Variants in GALNTL6 observed in about 807,000 individuals in gnomAD.
The protein encoded by GALNTL6 is polypeptide N-acetylgalactosaminyltransferase like 6.
In GALNTL6, 46 loss-of-function variants were observed where a neutral mutation model predicts 73.7. The ratio of observed to expected loss-of-function variants is 0.62; its 90% CI spans 0.49 to 0.80. GALNTL6 has a LOEUF of 0.80. GALNTL6 is among the 30% of genes least tolerant of loss of function. The pLI, the probability that GALNTL6 is intolerant of heterozygous loss-of-function variation, is 0.00. For synonymous variants in GALNTL6, 259 were observed against 263.7 expected, an observed-to-expected ratio of 0.98 and a Z score of 0.17; for missense variants, 604 against 755.0, an observed-to-expected ratio of 0.80 and a Z score of 2.34.
chr4:172,013,865 C>T (rs1197432164), intron 2 of GALNTL6, among the ~76,000 whole-genome samples: 1 of 129,758 alleles, frequency 7.7e-6, no homozygotes, highest in South Asian at 2.9e-4. Flanking sequence ...AGCTCCTGAG[C>T]CCCCCACTAC....
intron 2 of GALNTL6, among the ~76,000 whole-genome samples, chr4:172,093,077 T>G (rs1051204981): frequency 6.6e-6 from 1 of 151,988 alleles, no homozygotes; most frequent in African/African-American, 2.4e-5. Flanking sequence ...TTTCACCATG[T>G]TGGACAGGAT....
At chr4:171,988,492 G>C (rs1252573321) in intron 2 of GALNTL6, among the ~76,000 whole-genome samples, 3 of 152,164 alleles carry the variant, frequency 2.0e-5, no homozygotes, top group East Asian at 3.9e-4. Context: ...GGGTGCAAAG[G>C]AATAGTAAAG....
intron 2 of GALNTL6, among the ~76,000 whole-genome samples, chr4:172,004,363 A>G (rs997634970): frequency 2.6e-5 from 4 of 152,148 alleles, no homozygotes; most frequent in African/African-American, 9.6e-5. Context: ...CCAGTAAACA[A>G]CATCAAAATG....
chr4:172,618,907 A>T (rs558839245), intron 5 of GALNTL6, among the ~76,000 whole-genome samples: 2 of 152,032 alleles, frequency 1.3e-5, no homozygotes, highest in East Asian at 3.9e-4. Context: ...TATTTTTAAT[A>T]AAGACGGGGT....
chr4:172,989,328 C>T (rs1356698960), intron 10 of GALNTL6, among the ~76,000 whole-genome samples: 1 of 152,146 alleles, frequency 6.6e-6, no homozygotes. Flanking sequence ...GCAGAAGGGA[C>T]TTTCCTCATC....
At chr4:172,297,790 C>A (rs937923236) in intron 3 of GALNTL6, among the ~76,000 whole-genome samples, 8 of 152,116 alleles carry the variant, frequency 5.3e-5, no homozygotes, top group African/African-American at 1.9e-4. Flanking sequence ...TGGCATGATG[C>A]CTCCAGCTTT....
intron 4 of GALNTL6, among the ~76,000 whole-genome samples, chr4:172,347,570 C>T (rs778408129): frequency 2.0e-5 from 3 of 152,142 alleles, no homozygotes; most frequent in Admixed American, 6.5e-5. Flanking sequence ...ATTTCATTAA[C>T]ACTATTTTCC....
At chr4:172,235,450 G>A (rs1439868290) in intron 3 of GALNTL6, among the ~76,000 whole-genome samples, 11 of 151,994 alleles carry the variant, frequency 7.2e-5, no homozygotes, top group African/African-American at 1.7e-4. Flanking sequence ...CTGGTGATCC[G>A]CCCACCTTGG....
intron 5 of GALNTL6, among the ~76,000 whole-genome samples, chr4:172,757,029 G>A (rs930540302): frequency 6.6e-6 from 1 of 152,142 alleles, no homozygotes; most frequent in African/African-American, 2.4e-5. Context: ...CAAAGATCCT[G>A]GAGAGGTTCT....
intron 3 of GALNTL6, among the ~76,000 whole-genome samples, chr4:172,237,856 A>G (rs774449252): frequency 6.6e-6 from 1 of 152,032 alleles, no homozygotes. Context: ...TCCTTTCCCC[A>G]TGCTTGTTTT....
chr4:171,906,364 A>G (rs571299987), intron 2 of GALNTL6, among the ~76,000 whole-genome samples: 164 of 151,816 alleles, frequency 1.1e-3, no homozygotes, highest in Non-Finnish European at 1.8e-3. Flanking sequence ...TACTACAAAC[A>G]CCTCTACGCA....
intron 2 of GALNTL6, among the ~76,000 whole-genome samples, chr4:172,094,915 A>G (rs888336723): frequency 6.6e-6 from 1 of 151,896 alleles, no homozygotes; most frequent in Non-Finnish European, 1.5e-5. Context: ...TTCCTGGATT[A>G]ACTTCACTGT....
At chr4:172,376,722 C>T (rs1054532738) in intron 5 of GALNTL6, among the ~76,000 whole-genome samples, 7 of 152,106 alleles carry the variant, frequency 4.6e-5, no homozygotes, top group Admixed American at 4.6e-4. Context: ...AGGCAGTTGT[C>T]TCACCGCTTG....
At chr4:172,452,191 C>A (rs1249736132) in intron 5 of GALNTL6, among the ~76,000 whole-genome samples, 2 of 152,032 alleles carry the variant, frequency 1.3e-5, no homozygotes, top group Admixed American at 6.6e-5. Flanking sequence ...GCTATAGCAA[C>A]TACACTAAAC....
chr4:172,268,528 C>G (rs1024294826), intron 3 of GALNTL6, among the ~76,000 whole-genome samples: 8 of 152,186 alleles, frequency 5.3e-5, no homozygotes, highest in African/African-American at 1.7e-4. Flanking sequence ...GGGCAAAGCA[C>G]TTCTCTTCAG....
At position 171,986,797 on chromosome 4, in the gene GALNTL6, C is replaced by T. The variant is rs188297028; in HGVS notation, c.138+172079C>T. Among the ~76,000 whole-genome samples, 247 of 152,240 alleles carry T rather than the reference C, an allele frequency of 1.6e-3. 4 individuals are homozygous for T. In the East Asian group the frequency reaches 0.032, roughly 20 times the overall value. On this transcript the variant is annotated intron_variant, in intron 2 of 12. Coordinates refer to ENST00000506823, the MANE Select transcript of GALNTL6 (RefSeq NM_001034845.3). ...GGTATAAAAGGTCTAAGAATTGGGA[C>T]GACCCAGGACATCTGATTAGAGAGT...
At chr4:172,170,476 A>C (rs997122257) in intron 2 of GALNTL6, among the ~76,000 whole-genome samples, 5 of 149,854 alleles carry the variant, frequency 3.3e-5, no homozygotes, top group Non-Finnish European at 7.4e-5. Context: ...TTCCCTTTAT[A>C]AATTACCCAG....
intron 2 of GALNTL6, among the ~76,000 whole-genome samples, chr4:172,123,674 G>A (rs1733214891): frequency 6.6e-6 from 1 of 151,650 alleles, no homozygotes; most frequent in African/African-American, 2.4e-5. Flanking sequence ...GCTAATTTTT[G>A]TATTTTTAGT....
intron 2 of GALNTL6, among the ~76,000 whole-genome samples, chr4:172,007,429 T>C (rs1579053017): frequency 1.3e-5 from 2 of 152,078 alleles, no homozygotes; most frequent in East Asian, 1.9e-4. Flanking sequence ...ATATATATTA[T>C]AAAAACTATA....
Sources: gnomAD v4.1 joint callset for allele counts (sites outside exome capture counted in the v4.1 genomes callset) on GRCh38, gnomAD v4.1.1 for gene constraint, MANE v1.5 for transcripts, NCBI Gene and HGNC (gene_info 2026-07-23, HGNC 2026-07-21) for gene names.